Variants in ADAMTSL1 observed in about 807,000 individuals in gnomAD.
The protein encoded by ADAMTSL1 is ADAMTS-like protein 1.
A neutral mutation model predicts 201.8 loss-of-function variants in ADAMTSL1; 126 were observed. The observed-to-expected ratio is 0.62, with a 90% confidence interval of 0.54 to 0.72. The LOEUF (loss-of-function observed/expected upper bound fraction) is 0.72, where lower values mean the gene tolerates loss of function less well. Among genes scored for constraint, ADAMTSL1 ranks in the 30% least tolerant of loss-of-function variants. The pLI is 0.00. For synonymous variants in ADAMTSL1, 1,121 were observed against 903.4 expected, an observed-to-expected ratio of 1.24 and a Z score of -4.32; for missense variants, 2,679 against 2,277.8, an observed-to-expected ratio of 1.18 and a Z score of -3.59.
intron 23 of ADAMTSL1, among the ~76,000 whole-genome samples, chr9:18,862,082 C>T (rs1588259243): frequency 6.6e-6 from 1 of 152,324 alleles, no homozygotes; most frequent in East Asian, 1.9e-4. Flanking sequence ...CTGTGGCTTG[C>T]AGCTGAACCC....
chr9:18,015,164 G>A (rs1293269668), intron 1 of ADAMTSL1, among the ~76,000 whole-genome samples: 2 of 152,036 alleles, frequency 1.3e-5, no homozygotes, highest in African/African-American at 4.8e-5. Flanking sequence ...GAGAAAGGAA[G>A]CAGCATGCTC....
At chr9:18,351,919 G>A (rs1835980231) in intron 2 of ADAMTSL1, among the ~76,000 whole-genome samples, 2 of 152,114 alleles carry the variant, frequency 1.3e-5, no homozygotes, top group Non-Finnish European at 2.9e-5. Context: ...AGGGGGTATA[G>A]ACAGTGGTTT....
chr9:18,024,133 G>C (rs1820594389), intron 1 of ADAMTSL1, among the ~76,000 whole-genome samples: 2 of 151,030 alleles, frequency 1.3e-5, no homozygotes, highest in Admixed American at 1.3e-4. Flanking sequence ...TTTTTTTATT[G>C]GTAAAAATGG....
chr9:18,150,850 G>T (rs536603580), intron 1 of ADAMTSL1, among the ~76,000 whole-genome samples: 15 of 152,002 alleles, frequency 9.9e-5, no homozygotes, highest in Admixed American at 2.6e-4. Context: ...ATGGTTCAGG[G>T]GCACAGAAGT....
intron 2 of ADAMTSL1, among the ~76,000 whole-genome samples, chr9:18,396,444 T>A (rs11788605): frequency 0.33 from 49,165 of 149,156 alleles, 8,693 homozygotes; most frequent in African/African-American, 0.47. Flanking sequence ...ATTACTATTC[T>A]AATAAATAAT....
chr9:17,953,424 T>G (rs1827806566), intron 1 of ADAMTSL1, among the ~76,000 whole-genome samples: 1 of 152,194 alleles, frequency 6.6e-6, no homozygotes, highest in South Asian at 2.1e-4. Context: ...GAAAACTAGC[T>G]TTACAAAAGC....
chr9:18,670,731 C>G (rs891865855), intron 9 of ADAMTSL1, among the ~76,000 whole-genome samples: 1 of 152,224 alleles, frequency 6.6e-6, no homozygotes, highest in Non-Finnish European at 1.5e-5. Flanking sequence ...GTGCAGAACA[C>G]TGTCCTAAGA....
intron 2 of ADAMTSL1, among the ~76,000 whole-genome samples, chr9:18,238,614 T>C (rs1476509395): frequency 6.6e-6 from 1 of 152,154 alleles, no homozygotes; most frequent in African/African-American, 2.4e-5. Context: ...ACCAAAAAAA[T>C]GAGTTTTCTT....
intron 14 of ADAMTSL1, among the ~76,000 whole-genome samples, chr9:18,712,006 G>A (rs769979764): frequency 5.9e-4 from 88 of 150,044 alleles, no homozygotes; most frequent in Middle Eastern, 3.4e-3. Flanking sequence ...TCACACGGCC[G>A]GGTACTCCAA....
At chr9:18,624,507 A>G (rs1826236834) in intron 5 of ADAMTSL1, among the ~76,000 whole-genome samples, 1 of 152,240 alleles carries the variant, frequency 6.6e-6, no homozygotes, top group South Asian at 2.1e-4. Context: ...CTAGGAATCT[A>G]GGAATTACTG....
intron 13 of ADAMTSL1, among the ~76,000 whole-genome samples, chr9:18,702,468 A>C (rs1831978328): frequency 2.0e-5 from 3 of 152,238 alleles, no homozygotes; most frequent in Admixed American, 2.0e-4. Context: ...GGATTTTATA[A>C]GTGAATTTTA....
intron 2 of ADAMTSL1, among the ~76,000 whole-genome samples, chr9:18,204,398 C>T (rs555614852): frequency 1.3e-5 from 2 of 152,152 alleles, no homozygotes; most frequent in South Asian, 4.1e-4. Context: ...CTTTGCCTTC[C>T]ACCATGATTG....
chr9:18,819,802 A>G (rs1246718688), intron 21 of ADAMTSL1, among the ~76,000 whole-genome samples: 1 of 152,254 alleles, frequency 6.6e-6, no homozygotes, highest in East Asian at 1.9e-4. Context: ...GTTAAACAAG[A>G]TACTCATTCA....
chr9:18,452,021 C>G (rs1820425404), intron 2 of ADAMTSL1, among the ~76,000 whole-genome samples: 1 of 152,222 alleles, frequency 6.6e-6, no homozygotes, highest in South Asian at 2.1e-4. Flanking sequence ...AGCGATTCTC[C>G]TCCTTCCTCA....
rs1192450714 is a variant in ADAMTSL1, at chr9:18,908,543, G to C, written c.5284G>C (p.Ala1762Pro). ...KSRCCGTCGK[A>P] ...TCGCTGCTGTGGAACTTGTGGCAAAGCGTGAAGATAGGGTGTGGGGAAAAA... is the reference window on the plus strand; with the variant it reads ...TCGCTGCTGTGGAACTTGTGGCAAACCGTGAAGATAGGGTGTGGGGAAAAA... The change falls in exon 29 of 29, where the codon GCG (alanine) becomes CCG (proline). Residue 1762 changes from alanine (A) to proline (P), a missense_variant. Ala to Pro is a conservative substitution (Grantham distance 27). Transcript: ENST00000380548. 1.3e-6 allele frequency: 2 copies of C among 1,559,548 alleles called. No individual in the cohort carries two copies. Among genetic ancestry groups the C allele is most frequent in the African/African-American group, 1.4e-5 (1 of 73,312 alleles).
At chr9:18,685,028 G>A (rs1449381823) in intron 13 of ADAMTSL1, 12 of 1,215,608 alleles carry the variant, frequency 9.9e-6, no homozygotes, top group East Asian at 3.8e-5. Flanking sequence ...TGAAGGTGTA[G>A]TGCTTACCCT....
chr9:17,909,231 A>G (rs1383092287), intron 1 of ADAMTSL1, among the ~76,000 whole-genome samples: 1 of 147,654 alleles, frequency 6.8e-6, no homozygotes, highest in Non-Finnish European at 1.5e-5. Flanking sequence ...GCCCTTTGTC[A>G]GATGAGTAGG....
chr9:18,698,233 A>T (rs1011915087), intron 13 of ADAMTSL1, among the ~76,000 whole-genome samples: 4 of 152,164 alleles, frequency 2.6e-5, no homozygotes, highest in African/African-American at 9.7e-5. Context: ...GGAATCATTG[A>T]TGAACACATT....
intron 26 of ADAMTSL1, among the ~76,000 whole-genome samples, chr9:18,894,947 G>T (rs1012507195): frequency 6.6e-6 from 1 of 152,140 alleles, no homozygotes; most frequent in Non-Finnish European, 1.5e-5. Context: ...CAGTGGAGGA[G>T]CTTTTTCCAG....
Sources: gnomAD v4.1 joint callset for allele counts (sites outside exome capture counted in the v4.1 genomes callset) on GRCh38, gnomAD v4.1.1 for gene constraint, MANE v1.5 for transcripts, NCBI Gene and HGNC (gene_info 2026-07-23, HGNC 2026-07-21) for gene names.